The following SLC8A1 variants were observed in gnomAD, a reference collection of about 807,000 sequenced individuals.
SLC8A1 encodes sodium/calcium exchanger 1.
SLC8A1 carries 18 observed loss-of-function variants against 68.3 expected under a neutral mutation model. The observed-to-expected ratio is 0.26, with a 90% CI of 0.18 to 0.39. The LOEUF (loss-of-function observed/expected upper bound fraction) is 0.39. Ranked by LOEUF, SLC8A1 falls within the 10% of genes least tolerant of loss-of-function variation. The pLI is 1.00. For missense variants in SLC8A1, 985 were observed against 1,156.7 expected (o/e 0.85, Z 2.15); for synonymous variants, 475 against 415.5 (o/e 1.14, Z -1.74).
chr2:40,188,921 A>G (rs2148634924), intron 2 of SLC8A1, among the ~76,000 whole-genome samples: 1 of 152,322 alleles, frequency 6.6e-6, no homozygotes, highest in East Asian at 1.9e-4. Flanking sequence ...ACCAATAATT[A>G]GTGAATTGGT....
chr2:40,373,152 G>C (rs374296075), intron 2 of SLC8A1, among the ~76,000 whole-genome samples: 4 of 124,262 alleles, frequency 3.2e-5, no homozygotes, highest in East Asian at 2.1e-4. Flanking sequence ...CTCTTTAAAA[G>C]GCTATTCTTA....
chr2:40,496,141 C>A (rs2149930495), intron 1 of SLC8A1, among the ~76,000 whole-genome samples: 1 of 152,144 alleles, frequency 6.6e-6, no homozygotes, highest in Non-Finnish European at 1.5e-5. Context: ...ATACAAAGCC[C>A]AAATCAAACT....
intron 2 of SLC8A1, among the ~76,000 whole-genome samples, chr2:40,356,439 T>C (rs1672687125): frequency 6.6e-6 from 1 of 152,312 alleles, no homozygotes; most frequent in African/African-American, 2.4e-5. Flanking sequence ...TTTATGATGC[T>C]TTAAATAAAA....
intron 2 of SLC8A1, among the ~76,000 whole-genome samples, chr2:40,341,992 C>T (rs1667842840): frequency 6.6e-6 from 1 of 152,094 alleles, no homozygotes; most frequent in African/African-American, 2.4e-5. Context: ...GTAGCATGAC[C>T]TTTCAGCATC....
At chr2:40,109,570 A>ATAAG (rs1028618149) in exon 8 of SLC8A1, 3 of 152,214 alleles carry the variant, frequency 2.0e-5, no homozygotes, top group Admixed American at 6.5e-5. Context: ...TTCTCCTATG[A>ATAAG]TAAGTTCACT....
At chr2:40,437,627 A>T (rs1171749909) in intron 1 of SLC8A1, among the ~76,000 whole-genome samples, 1 of 152,162 alleles carries the variant, frequency 6.6e-6, no homozygotes, top group Non-Finnish European at 1.5e-5. Context: ...ATGTTGCTAT[A>T]ACAAGTAGGT....
chr2:40,142,041 T>C (rs1346561766), intron 6 of SLC8A1, among the ~76,000 whole-genome samples: 1 of 152,210 alleles, frequency 6.6e-6, no homozygotes, highest in Non-Finnish European at 1.5e-5. Context: ...CAGTCTGTGG[T>C]ATTTATTACA....
intron 2 of SLC8A1, among the ~76,000 whole-genome samples, chr2:40,303,142 G>T (rs546690979): frequency 6.6e-6 from 1 of 152,288 alleles, no homozygotes; most frequent in Admixed American, 6.5e-5. Context: ...ATGATTTCCA[G>T]AAGTACAATT....
intron 2 of SLC8A1, among the ~76,000 whole-genome samples, chr2:40,229,370 T>C (rs980819196): frequency 2.6e-5 from 4 of 152,154 alleles, no homozygotes; most frequent in Non-Finnish European, 4.4e-5. Context: ...TAATTACAGA[T>C]ACCAATCACA....
At chr2:40,183,840 G>T (rs546209320) in intron 2 of SLC8A1, among the ~76,000 whole-genome samples, 1 of 152,116 alleles carries the variant, frequency 6.6e-6, no homozygotes. Flanking sequence ...TTCTGCTTGT[G>T]GGAGCCCAGC....
At chr2:40,107,236 C>G (rs532705901) in exon 8 of SLC8A1, 2 of 133,004 alleles carry the variant, frequency 1.5e-5, no homozygotes, top group Non-Finnish European at 3.1e-5. Context: ...GCCGAGATCC[C>G]GCCACTGCAC....
At position 40,380,645 on chromosome 2, in the gene SLC8A1, C is replaced by T. The variant is rs533360414; in HGVS notation, c.1808+47828G>A. Among the ~76,000 whole-genome samples, 23 of 152,178 alleles carry T rather than the reference C, an allele frequency of 1.5e-4. No individual in the cohort carries two copies. The South Asian group carries it at 2.7e-3, about 18-fold the overall frequency. On this transcript the variant is annotated intron_variant, in intron 2 of 7. Transcript: ENST00000406785. Reference sequence around the variant, plus strand: ...TCCTAAAGCAAAATAAAGTAGCTTACGGCAAGTGATGAGTGCCTTAATTAT... The same window carrying T: ...TCCTAAAGCAAAATAAAGTAGCTTATGGCAAGTGATGAGTGCCTTAATTAT...
intron 1 of SLC8A1, among the ~76,000 whole-genome samples, chr2:40,448,595 G>T (rs1417279454): frequency 6.6e-6 from 1 of 152,190 alleles, no homozygotes; most frequent in Non-Finnish European, 1.5e-5. Flanking sequence ...TAGAGCCAAA[G>T]TGATAGACAG....
At chr2:40,366,295 G>A (rs1676173880) in intron 2 of SLC8A1, among the ~76,000 whole-genome samples, 1 of 152,016 alleles carries the variant, frequency 6.6e-6, no homozygotes, top group Non-Finnish European at 1.5e-5. Flanking sequence ...TGCTAAAATA[G>A]TGCTGACACA....
intron 2 of SLC8A1, among the ~76,000 whole-genome samples, chr2:40,361,887 C>CATTTTTTTTTTT (rs1674732734): frequency 1.9e-5 from 1 of 53,104 alleles, no homozygotes; most frequent in African/African-American, 8.9e-5. Flanking sequence ...CTTTTCTTTC[C>CATTTTTTTTTTT]TTTTTTTTTT....
chr2:40,307,688 T>C (rs2072919400), intron 2 of SLC8A1, among the ~76,000 whole-genome samples: 1 of 152,180 alleles, frequency 6.6e-6, no homozygotes. Context: ...AAGCTCCTGG[T>C]TACCAGAGGT....
chr2:40,108,276 G>T (rs556051816), exon 8 of SLC8A1: 2 of 146,558 alleles, frequency 1.4e-5, no homozygotes, highest in South Asian at 4.5e-4. Flanking sequence ...ATTTGGAAAC[G>T]TGTGCCAAAA....
intron 2 of SLC8A1, among the ~76,000 whole-genome samples, chr2:40,417,109 ATCTC>A (rs1345211039): frequency 2.0e-4 from 31 of 152,266 alleles, no homozygotes; most frequent in African/African-American, 7.5e-4. Flanking sequence ...GAGTTCTCCT[ATCTC>A]TCAGTCTTGT....
intron 2 of SLC8A1, among the ~76,000 whole-genome samples, chr2:40,196,631 T>G (rs1168799594): frequency 2.0e-5 from 3 of 152,038 alleles, no homozygotes; most frequent in Non-Finnish European, 4.4e-5. Context: ...TCAATTGGTG[T>G]TAGGGAAATA....
Sources: allele counts gnomAD v4.1 joint callset (sites outside exome capture counted in the v4.1 genomes callset), GRCh38; gene constraint gnomAD v4.1.1; transcripts MANE v1.5; gene names NCBI Gene and HGNC (gene_info 2026-07-23, HGNC 2026-07-21).